DPYSL3: variants seen among roughly 807,000 people sequenced by gnomAD.
The protein encoded by DPYSL3 is dihydropyrimidinase-related protein 3.
A neutral mutation model predicts 66.1 loss-of-function variants in DPYSL3; 16 were observed. That is an observed-to-expected ratio of 0.24 (90% CI 0.16 to 0.37). The LOEUF is 0.37. DPYSL3 is among the 10% of genes least tolerant of loss of function. The pLI is 1.00. For missense variants in DPYSL3, 738 were observed against 916.2 expected, an observed-to-expected ratio of 0.81 and a Z score of 2.51; for synonymous variants, 338 against 345.1, an observed-to-expected ratio of 0.98 and a Z score of 0.23.
At chr5:147,481,013 C>T (rs764411057) in intron 1 of DPYSL3, among the ~76,000 whole-genome samples, 2 of 152,042 alleles carry the variant, frequency 1.3e-5, no homozygotes, top group Non-Finnish European at 1.5e-5. Flanking sequence ...TGAGCCACCA[C>T]GCCTGGCCAT....
intron 1 of DPYSL3, among the ~76,000 whole-genome samples, chr5:147,473,935 C>T (rs1283375248): frequency 6.6e-6 from 1 of 152,092 alleles, no homozygotes; most frequent in Admixed American, 6.6e-5. Context: ...AATACTGTAA[C>T]TTAAATGCAG....
chr5:147,481,320 A>G (rs1197961867), intron 1 of DPYSL3, among the ~76,000 whole-genome samples: 1 of 152,212 alleles, frequency 6.6e-6, no homozygotes, highest in East Asian at 1.9e-4. Flanking sequence ...ATACACTACA[A>G]TGTAATATAT....
chr5:147,488,907 C>T (rs552395702), intron 1 of DPYSL3, among the ~76,000 whole-genome samples: 212 of 151,518 alleles, frequency 1.4e-3, no homozygotes, highest in African/African-American at 4.8e-3. Context: ...CCCAGCTACT[C>T]GGGAGGCTGA....
chr5:147,393,791 T>G lies in DPYSL3; in HGVS notation c.*244A>C, dbSNP rs957620062. On this transcript the variant is annotated 3_prime_UTR_variant, in exon 14 of 14. Coordinates refer to ENST00000343218, the MANE Select transcript of DPYSL3 (RefSeq NM_001197294.2). ...TCTTTTACCTTAGTGGCCTGTCTGA[T>G]TGCATGCATGTAAATGGGGGGAGGG... 3.8e-6 allele frequency: 2 copies of G among 519,670 alleles called. No homozygotes were observed. The highest frequency in any genetic ancestry group is 3.4e-5 in the East Asian group (1 of 29,142). The allele number at this position is 519,670 out of a possible 1,614,324, so 32.2% of individuals were successfully genotyped here. A position where few individuals can be genotyped will look rare whatever the true frequency, so the allele number is the denominator to read the frequency against.
intron 1 of DPYSL3, among the ~76,000 whole-genome samples, chr5:147,489,780 A>G (rs554721542): frequency 6.6e-6 from 1 of 151,738 alleles, no homozygotes; most frequent in South Asian, 2.1e-4. Context: ...TTTCTCTTAA[A>G]TAATAGACAC....
At chr5:147,394,233 C>A (rs1371690856) in intron 13 of DPYSL3, 110 bp from the exon 14 acceptor site, 5 of 1,055,042 alleles carry the variant, frequency 4.7e-6, no homozygotes, top group Non-Finnish European at 7.0e-6. Flanking sequence ...ATATGAAGTG[C>A]CTTGCTGGCC....
chr5:147,405,689 G>A lies in DPYSL3; in HGVS notation c.1074C>T (p.Ser358=), dbSNP rs1480659678. 1 of 1,613,884 alleles carries A rather than the reference G, an allele frequency of 6.2e-7. No individual in the cohort carries two copies. The highest frequency in any genetic ancestry group is 8.5e-7 in the Non-Finnish European group (1 of 1,179,946). Residue 358 remains serine (S), a synonymous_variant, in exon 8 of 14, where the codon AGC becomes AGT. Coordinates refer to ENST00000343218, the MANE Select transcript of DPYSL3 (RefSeq NM_001197294.2). ...TGACGTAGAGAGGGCAATTGGTTTG[G>A]CTGGCAATGGTGATGGCACGGAACA... ...EAVFRAITIA[S]QTNCPLYVTK...
At chr5:147,397,010 T>C (rs1231266825) in intron 12 of DPYSL3, among the ~76,000 whole-genome samples, 1 of 122,788 alleles carries the variant, frequency 8.1e-6, no homozygotes, top group Non-Finnish European at 1.7e-5. Context: ...CACAATACAA[T>C]ATAAATATAT....
chr5:147,403,963 C>T (rs1367384127), intron 8 of DPYSL3, among the ~76,000 whole-genome samples: 2 of 152,116 alleles, frequency 1.3e-5, no homozygotes, highest in African/African-American at 4.8e-5. Context: ...AACTAAAACA[C>T]CCTGTCCCGA....
intron 2 of DPYSL3, among the ~76,000 whole-genome samples, chr5:147,421,229 T>C (rs896202402): frequency 1.6e-4 from 24 of 152,114 alleles, no homozygotes; most frequent in African/African-American, 5.1e-4. Context: ...AATGGACAAA[T>C]AGAGAGCCAA....
intron 1 of DPYSL3, among the ~76,000 whole-genome samples, chr5:147,486,712 G>GTCCA (rs943933512): frequency 5.9e-4 from 87 of 146,710 alleles, no homozygotes; most frequent in African/African-American, 2.4e-3. Context: ...CATCTGTTGG[G>GTCCA]TCCGTAAGTG....
At chr5:147,418,896 T>C (rs1020965251) in intron 2 of DPYSL3, among the ~76,000 whole-genome samples, 9 of 152,334 alleles carry the variant, frequency 5.9e-5, no homozygotes, top group Non-Finnish European at 1.0e-4. Flanking sequence ...AGGGGTCTGA[T>C]AGTGTCTAGA....
intron 1 of DPYSL3, among the ~76,000 whole-genome samples, chr5:147,438,708 G>A (rs1453777516): frequency 2.0e-5 from 3 of 152,202 alleles, no homozygotes; most frequent in African/African-American, 7.2e-5. Flanking sequence ...TTTGTGATGT[G>A]TCTCTGCTCA....
intron 1 of DPYSL3, among the ~76,000 whole-genome samples, chr5:147,477,190 A>G (rs1753166371): frequency 6.6e-6 from 1 of 152,236 alleles, no homozygotes; most frequent in Non-Finnish European, 1.5e-5. Flanking sequence ...GATTTAAAAT[A>G]GGGCACGGAA....
chr5:147,454,702 G>A (rs562033162), intron 1 of DPYSL3, among the ~76,000 whole-genome samples: 1 of 152,302 alleles, frequency 6.6e-6, no homozygotes, highest in Admixed American at 6.5e-5. Context: ...CACGTGCACT[G>A]CTCACAATCC....
intron 2 of DPYSL3, among the ~76,000 whole-genome samples, chr5:147,421,038 T>G (rs1428165937): frequency 6.6e-6 from 1 of 152,130 alleles, no homozygotes; most frequent in African/African-American, 2.4e-5. Flanking sequence ...GAGAAAGAAA[T>G]AAAGCGTATT....
intron 1 of DPYSL3, among the ~76,000 whole-genome samples, chr5:147,433,277 G>C (rs1402568734): frequency 6.6e-6 from 1 of 152,156 alleles, no homozygotes; most frequent in Non-Finnish European, 1.5e-5. Flanking sequence ...GAGATTACTG[G>C]GGACCATGCT....
chr5:147,496,415 A>G (rs1251302057), intron 1 of DPYSL3, among the ~76,000 whole-genome samples: 3 of 152,306 alleles, frequency 2.0e-5, no homozygotes, highest in Non-Finnish European at 4.4e-5. Flanking sequence ...TAATTAAACT[A>G]AAGAGCTTCT....
chr5:147,453,431 C>G, intron 1 of DPYSL3: 1 of 1,368,204 alleles, frequency 7.3e-7, no homozygotes, highest in Non-Finnish European at 9.5e-7. Flanking sequence ...GACCCCGGGT[C>G]TCCGTCCCTC....
Sources: gnomAD v4.1 joint callset for allele counts (sites outside exome capture counted in the v4.1 genomes callset) on GRCh38, gnomAD v4.1.1 for gene constraint, MANE v1.5 for transcripts, NCBI Gene and HGNC (gene_info 2026-07-23, HGNC 2026-07-21) for gene names.